Variants in ABTB3 observed in about 807,000 individuals in gnomAD.
ABTB3 encodes the protein ankyrin repeat- and BTB/POZ domain-containing protein 3.
At chr12:107,491,318 G>A in the ABTB3 span, among the ~76,000 whole-genome samples, 1 of 152,196 alleles carries the variant, frequency 6.6e-6, no homozygotes, top group South Asian at 2.1e-4. Context: ...GTAGATAAGA[G>A]GGAACATGGT....
chr12:107,344,424 A>G, the ABTB3 span, among the ~76,000 whole-genome samples: 1 of 152,338 alleles, frequency 6.6e-6, no homozygotes, highest in Non-Finnish European at 1.5e-5. Flanking sequence ...TAGCTAGTTA[A>G]TGACCTATTG....
the ABTB3 span, chr12:107,486,423 A>T: frequency 6.6e-6 from 1 of 152,142 alleles, no homozygotes; most frequent in South Asian, 2.1e-4. Context: ...GGCCCACAAA[A>T]CTGAAAATAT....
the ABTB3 span, among the ~76,000 whole-genome samples, chr12:107,461,586 C>A: frequency 1.1e-5 from 1 of 91,648 alleles, no homozygotes; most frequent in Non-Finnish European, 2.4e-5. Flanking sequence ...ACCCAGGAAA[C>A]GAATCCATTC....
chr12:107,390,870 G>A, the ABTB3 span, among the ~76,000 whole-genome samples: 2 of 152,194 alleles, frequency 1.3e-5, no homozygotes, highest in African/African-American at 4.8e-5. Context: ...ATTGAACTCG[G>A]CCAGGTGCAG....
chr12:107,647,740 C>A, the ABTB3 span, among the ~76,000 whole-genome samples: 9 of 152,194 alleles, frequency 5.9e-5, no homozygotes, highest in Admixed American at 3.9e-4. Context: ...TAGGCCTGTT[C>A]TATGCAGTTA....
At chr12:107,349,842 T>G in the ABTB3 span, among the ~76,000 whole-genome samples, 4 of 152,248 alleles carry the variant, frequency 2.6e-5, no homozygotes, top group Admixed American at 6.5e-5. Flanking sequence ...GAGCACAGGC[T>G]AATCAAACAC....
At chr12:107,411,025 C>G in the ABTB3 span, among the ~76,000 whole-genome samples, 29 of 152,254 alleles carry the variant, frequency 1.9e-4, 1 homozygote, top group African/African-American at 7.0e-4. Flanking sequence ...TGAGGTCAGG[C>G]TTGGTGGCTC....
the ABTB3 span, among the ~76,000 whole-genome samples, chr12:107,637,828 GT>G: frequency 8.0e-6 from 1 of 124,726 alleles, no homozygotes; most frequent in East Asian, 2.9e-4. Flanking sequence ...GTGTGTGTGT[GT>G]GTGTGGTATG....
chr12:107,344,237 ATTC>A, the ABTB3 span, among the ~76,000 whole-genome samples: 9 of 152,198 alleles, frequency 5.9e-5, no homozygotes, highest in Admixed American at 2.6e-4. Flanking sequence ...CCACCTAATA[ATTC>A]TTCTTATATC....
the ABTB3 span, among the ~76,000 whole-genome samples, chr12:107,477,590 T>C: frequency 6.6e-6 from 1 of 152,206 alleles, no homozygotes; most frequent in Non-Finnish European, 1.5e-5. Context: ...TTCAAAAATT[T>C]AATCTCAAAA....
the ABTB3 span, chr12:107,642,205 G>C: frequency 6.3e-6 from 10 of 1,587,024 alleles, no homozygotes; most frequent in Non-Finnish European, 8.7e-6. Context: ...CTCTGTGCTG[G>C]TTGGCACAGG....
At chr12:107,407,996 C>A in the ABTB3 span, among the ~76,000 whole-genome samples, 1 of 152,036 alleles carries the variant, frequency 6.6e-6, no homozygotes, top group Non-Finnish European at 1.5e-5. Flanking sequence ...CCAACCTCCA[C>A]GTCAAACCTG....
At chr12:107,517,028 AT>A in the ABTB3 span, among the ~76,000 whole-genome samples, 1 of 152,174 alleles carries the variant, frequency 6.6e-6, no homozygotes, top group African/African-American at 2.4e-5. Context: ...TCTTTAATCC[AT>A]CTGGAATTAA....
At chr12:107,368,842 C>T in the ABTB3 span, among the ~76,000 whole-genome samples, 310 of 152,290 alleles carry the variant, frequency 2.0e-3, no homozygotes, top group Middle Eastern at 3.4e-3. Flanking sequence ...TTATTACTAA[C>T]GAATTTGAGC....
At chr12:107,561,175 A>G in the ABTB3 span, among the ~76,000 whole-genome samples, 1 of 152,158 alleles carries the variant, frequency 6.6e-6, no homozygotes. Context: ...AGTCCCTTAC[A>G]TAGAATCCCG....
At chr12:107,573,245 G>A in the ABTB3 span, among the ~76,000 whole-genome samples, 1 of 152,190 alleles carries the variant, frequency 6.6e-6, no homozygotes, top group African/African-American at 2.4e-5. Context: ...AGCCAATTGT[G>A]CATGATGGTG....
At chr12:107,532,318 C>G in the ABTB3 span, among the ~76,000 whole-genome samples, 1 of 152,196 alleles carries the variant, frequency 6.6e-6, no homozygotes, top group African/African-American at 2.4e-5. Context: ...TTGCACCATC[C>G]AGGAGCCCAA....
the ABTB3 span, among the ~76,000 whole-genome samples, chr12:107,567,544 C>A: frequency 6.6e-6 from 1 of 152,176 alleles, no homozygotes; most frequent in African/African-American, 2.4e-5. Context: ...AGCCTAGGAG[C>A]AATAGCCTAT....
the ABTB3 span, among the ~76,000 whole-genome samples, chr12:107,503,756 C>CAAAAAAA: frequency 5.2e-4 from 37 of 70,718 alleles, 1 homozygote; most frequent in African/African-American, 2.1e-3. Context: ...GACCCTATCT[C>CAAAAAAA]AAAAAAAAAA....
Sources: allele counts gnomAD v4.1 joint callset (sites outside exome capture counted in the v4.1 genomes callset), GRCh38; gene constraint gnomAD v4.1.1; transcripts MANE v1.5; gene names NCBI Gene and HGNC (gene_info 2026-07-23, HGNC 2026-07-21).